Variants in CGNL1 observed in about 807,000 individuals in gnomAD.
CGNL1 encodes cingulin-like protein 1.
In CGNL1, 132 loss-of-function variants were observed where a neutral mutation model predicts 141.2. The observed-to-expected ratio is 0.93, with a 90% CI of 0.81 to 1.08. The LOEUF (loss-of-function observed/expected upper bound fraction) is 1.08. Ranked by LOEUF, CGNL1 falls within the 50% of genes least tolerant of loss-of-function variation. CGNL1 has a pLI of 0.00. For missense variants in CGNL1, 1,870 were observed against 1,588.6 expected (o/e 1.18, Z -3.01); for synonymous variants, 690 against 622.1 (o/e 1.11, Z -1.63).
intron 1 of CGNL1, among the ~76,000 whole-genome samples, chr15:57,397,516 A>G (rs1161985136): frequency 6.6e-6 from 1 of 150,602 alleles, no homozygotes; most frequent in Non-Finnish European, 1.5e-5. Flanking sequence ...ACATTTTGTA[A>G]ATTAATTTTT....
intron 8 of CGNL1, among the ~76,000 whole-genome samples, chr15:57,481,539 A>G (rs137917630): frequency 6.6e-6 from 1 of 152,264 alleles, no homozygotes; most frequent in African/African-American, 2.4e-5. Context: ...TTTATTGCTC[A>G]GTGGTATTCT....
In CGNL1 at chr15:57,461,892, G is replaced by A; in HGVS notation, c.2403G>A (p.Lys801=). ...ALRESVEEAT[K]NVEVLASRSN... is the part of the protein sequence containing the mutation. ...GGGAGAGTGTGGAAGAAGCAACCAA[G>A]GTGAGGGATGGGGCAGGAGAATCTG... The change falls in exon 8 of 19, where the codon AAG becomes AAA. Residue 801 remains lysine (K), a splice_region_variant and synonymous_variant. Transcript: ENST00000281282. 3.7e-6 allele frequency: 6 copies of A among 1,612,464 alleles called. No homozygotes were observed. Among genetic ancestry groups the A allele is most frequent in the Non-Finnish European group, 5.1e-6 (6 of 1,178,818 alleles).
At chr15:57,449,502 T>A (rs1425317094) in intron 4 of CGNL1, among the ~76,000 whole-genome samples, 2 of 152,180 alleles carry the variant, frequency 1.3e-5, no homozygotes, top group Admixed American at 1.3e-4. Context: ...TCCACCACTG[T>A]TAGCATCCTA....
At chr15:57,473,583 G>A (rs1179042715) in intron 8 of CGNL1, among the ~76,000 whole-genome samples, 3 of 152,142 alleles carry the variant, frequency 2.0e-5, no homozygotes, top group African/African-American at 4.8e-5. Context: ...TGGAAATGAT[G>A]GAGTGTGACT....
intron 4 of CGNL1, among the ~76,000 whole-genome samples, chr15:57,447,053 G>C (rs1354494650): frequency 6.6e-6 from 1 of 151,974 alleles, no homozygotes; most frequent in Non-Finnish European, 1.5e-5. Flanking sequence ...ACCAAGAAAA[G>C]CCTCTAGGAA....
rs753923302 is a variant in CGNL1 at position 57,518,407 on chromosome 15, G to T, written c.2625G>T (p.Gln875His). The T allele has an allele frequency of 1.2e-6, 2 of 1,612,982 alleles. No individual in the cohort carries two copies. Among genetic ancestry groups the T allele is most frequent in the Non-Finnish European group, 1.7e-6 (2 of 1,179,452 alleles). ...TTTCATTGTAGGGAGAAATACGACA[G>T]TTAGAGGAGGCCCTTGTGCACGCCA... ...TLKKYEGEIR[Q>H]LEEALVHARK... is the part of the protein sequence containing the mutation. Residue 875 changes from glutamine (Q) to histidine (H), a missense_variant, in exon 10 of 19, where the codon CAG becomes CAT. Transcript: ENST00000281282.
At chr15:57,483,468 C>CTTTTTTTTTTTT (rs60667956) in intron 8 of CGNL1, among the ~76,000 whole-genome samples, 1 of 127,806 alleles carries the variant, frequency 7.8e-6, no homozygotes. Flanking sequence ...ACAAAGTTTT[C>CTTTTTTTTTTTT]TTTTTTTTTT....
chr15:57,461,059 G>C (rs1246921785), intron 7 of CGNL1, among the ~76,000 whole-genome samples: 1 of 152,178 alleles, frequency 6.6e-6, no homozygotes, highest in African/African-American at 2.4e-5. Context: ...GGAATGCCGA[G>C]CCTTTGGCAG....
chr15:57,452,160 A>C lies in CGNL1; in HGVS notation c.1925A>C (p.Glu642Ala), dbSNP rs766870875. The change falls in exon 6 of 19, where the codon GAA becomes GCA. Residue 642 changes from glutamate (E) to alanine (A), a missense_variant. By Grantham distance (107) the Glu-to-Ala change is moderately radical. Transcript: ENST00000281282. ...TGTTAGAATCAACAGAACATTAAAG[A>C]AGAGAGAGAGAGGATGAGAGCAAAC... Reference protein sequence around the residue: ...LEVKNQQNIKEERERMRANLE... With the variant: ...LEVKNQQNIKAERERMRANLE... The C allele has an allele frequency of 1.2e-6, 2 of 1,611,558 alleles. No homozygotes were observed. The highest frequency in any genetic ancestry group is 1.7e-6 in the Non-Finnish European group (2 of 1,178,516).
intron 8 of CGNL1, among the ~76,000 whole-genome samples, chr15:57,468,114 G>A (rs1319423374): frequency 6.6e-6 from 1 of 152,048 alleles, no homozygotes; most frequent in Admixed American, 6.6e-5. Flanking sequence ...GCCATGCATT[G>A]GTGTGTGTTA....
At chr15:57,502,021 G>A (rs1436275443) in intron 8 of CGNL1, among the ~76,000 whole-genome samples, 1 of 152,210 alleles carries the variant, frequency 6.6e-6, no homozygotes, top group Non-Finnish European at 1.5e-5. Context: ...AGAATGTTCA[G>A]GAGCCTAGAG....
At chr15:57,467,496 A>G (rs754800444) in intron 8 of CGNL1, among the ~76,000 whole-genome samples, 33 of 152,158 alleles carry the variant, frequency 2.2e-4, no homozygotes, top group South Asian at 1.5e-3. Context: ...ACAGATTCAG[A>G]GACTTAAGGG....
chr15:57,534,923 C>G (rs1488751296), intron 14 of CGNL1, among the ~76,000 whole-genome samples: 1 of 152,220 alleles, frequency 6.6e-6, no homozygotes, highest in Non-Finnish European at 1.5e-5. Flanking sequence ...CTCACAAGCT[C>G]CTTTGCGGAA....
At chr15:57,517,128 A>C (rs2030877928) in intron 9 of CGNL1, 142 bp downstream of exon 9, 1 of 809,636 alleles carries the variant, frequency 1.2e-6, no homozygotes, top group Admixed American at 2.7e-5. Context: ...TCCTCTCTGC[A>C]AGCCATTTCT....
At chr15:57,448,430 C>A (rs2063283117) in intron 4 of CGNL1, among the ~76,000 whole-genome samples, 1 of 152,140 alleles carries the variant, frequency 6.6e-6, no homozygotes, top group Admixed American at 6.5e-5. Context: ...GGGTGGATCA[C>A]CTGAGATCGG....
intron 4 of CGNL1, among the ~76,000 whole-genome samples, chr15:57,443,629 A>G (rs546216512): frequency 5.3e-5 from 8 of 152,340 alleles, no homozygotes; most frequent in Non-Finnish European, 1.2e-4. Flanking sequence ...ACAATGCCGT[A>G]CACACACATA....
rs765799633 is a variant in CGNL1, at chr15:57,531,689, G to C, written c.3202-1G>C. ...AACTGTGTTTGTGATTTCCTTCTTA[G>C]GACAAGGTGTCTCAACTGGAGATGG... is the stretch of plus-strand genomic sequence containing the variant. On this transcript the variant is annotated splice_acceptor_variant, in intron 13 of 18. Transcript: ENST00000281282. LOFTEE classifies it high-confidence loss of function. 9 of 1,605,906 alleles carry C rather than the reference G, an allele frequency of 5.6e-6. No homozygotes were observed. Among genetic ancestry groups the C allele is most frequent in the Non-Finnish European group, 6.8e-6 (8 of 1,172,712 alleles).
intron 14 of CGNL1, among the ~76,000 whole-genome samples, chr15:57,533,964 T>G (rs1305825604): frequency 6.6e-6 from 1 of 152,238 alleles, no homozygotes; most frequent in East Asian, 1.9e-4. Flanking sequence ...GCTCCTGCAT[T>G]AGCCTCATTT....
chr15:57,389,214 G>A (rs979841731), intron 1 of CGNL1, among the ~76,000 whole-genome samples: 16 of 152,046 alleles, frequency 1.1e-4, no homozygotes, highest in Admixed American at 2.6e-4. Flanking sequence ...AATAAATGAA[G>A]ATTAGTGGAA....
Sources: allele counts gnomAD v4.1 joint callset (sites outside exome capture counted in the v4.1 genomes callset), GRCh38; gene constraint gnomAD v4.1.1; transcripts MANE v1.5; gene names NCBI Gene and HGNC (gene_info 2026-07-23, HGNC 2026-07-21).